Variants in SLC1A1 observed in about 807,000 individuals in gnomAD.
The protein encoded by SLC1A1 is excitatory amino acid transporter 3.
Under a neutral mutation model 53.3 loss-of-function variants are expected in SLC1A1, and 43 were observed. The ratio of observed to expected loss-of-function variants is 0.81; its 90% CI spans 0.63 to 1.04. The LOEUF (loss-of-function observed/expected upper bound fraction) is 1.04. Ranked by LOEUF, SLC1A1 falls within the 50% of genes least tolerant of loss-of-function variation. SLC1A1 has a pLI of 0.00. For missense variants in SLC1A1, 748 were observed against 664.9 expected (o/e 1.12, Z -1.37); for synonymous variants, 307 against 243.2 (o/e 1.26, Z -2.44).
intron 1 of SLC1A1, among the ~76,000 whole-genome samples, chr9:4,504,408 C>T (rs1820731784): frequency 6.6e-6 from 1 of 152,206 alleles, no homozygotes; most frequent in African/African-American, 2.4e-5. Context: ...ATTAGCCTGT[C>T]TGTACTACCT....
chr9:4,542,842 C>G (rs1458495112), intron 1 of SLC1A1, among the ~76,000 whole-genome samples: 2 of 152,124 alleles, frequency 1.3e-5, no homozygotes, highest in East Asian at 1.9e-4. Flanking sequence ...AAATAGAAAC[C>G]AAATAGCATT....
rs145279751 is a variant in SLC1A1, at chr9:4,549,064, C to A, written c.232+4357C>A. ...CCAGCCAGTGAGTTTAAATTCAGGT[C>A]ACATTTTCTTTACTACTTCCCAAAA... On this transcript the variant is annotated intron_variant, in intron 2 of 11. Coordinates refer to ENST00000262352, the MANE Select transcript of SLC1A1 (RefSeq NM_004170.6). The surrounding 1 kb of genome is among the most constrained non-coding windows in gnomAD (Gnocchi z 4.1). Among the ~76,000 whole-genome samples the A allele has an allele frequency of 5.5e-4, 84 of 152,186 alleles. No individual in the cohort carries two copies. The highest frequency in any genetic ancestry group is 9.7e-4 in the Non-Finnish European group (66 of 68,032).
At chr9:4,495,604 C>T (rs573585548) in intron 1 of SLC1A1, among the ~76,000 whole-genome samples, 1 of 151,820 alleles carries the variant, frequency 6.6e-6, no homozygotes, top group Non-Finnish European at 1.5e-5. Context: ...ACAAGTTGCA[C>T]AGGTATCTGG....
intron 1 of SLC1A1, among the ~76,000 whole-genome samples, chr9:4,507,459 TTG>T (rs1419398955): frequency 6.6e-6 from 1 of 152,346 alleles, no homozygotes; most frequent in South Asian, 2.1e-4. Context: ...ATGTTTGTTA[TTG>T]TGTCTTAAAT....
intron 11 of SLC1A1, 57 bp from the exon 12 acceptor site, chr9:4,585,255 G>T (rs1361834043): frequency 9.3e-6 from 15 of 1,607,464 alleles, no homozygotes; most frequent in Non-Finnish European, 1.3e-5. Context: ...CATCTCTCCA[G>T]TGATGAAGGA....
intron 1 of SLC1A1, among the ~76,000 whole-genome samples, chr9:4,491,441 A>T (rs1294244375): frequency 1.3e-5 from 2 of 152,226 alleles, no homozygotes; most frequent in Non-Finnish European, 2.9e-5. Context: ...AAGAGAACTC[A>T]GCCGTCTCTT....
intron 1 of SLC1A1, among the ~76,000 whole-genome samples, chr9:4,523,779 T>C (rs908314550): frequency 6.6e-6 from 1 of 152,224 alleles, no homozygotes; most frequent in South Asian, 2.1e-4. Context: ...ACATATAGTC[T>C]CATTTTAAAA....
chr9:4,538,503 C>G (rs989911190), intron 1 of SLC1A1, among the ~76,000 whole-genome samples: 1 of 152,026 alleles, frequency 6.6e-6, no homozygotes, highest in African/African-American at 2.4e-5. Context: ...TTTTGGGGCT[C>G]CAAGATTTAT....
At position 4,549,747 on chromosome 9, in the gene SLC1A1, G is replaced by A. The variant is rs551986871; in HGVS notation, c.232+5040G>A. Among the ~76,000 whole-genome samples, 20 of 152,252 alleles carry A rather than the reference G, an allele frequency of 1.3e-4. No individual in the cohort carries two copies. Among genetic ancestry groups the A allele is most frequent in the African/African-American group, 4.1e-4 (17 of 41,550 alleles). On this transcript the variant is annotated intron_variant, in intron 2 of 11. Transcript: ENST00000262352. The surrounding 1 kb of genome is among the most constrained non-coding windows in gnomAD (Gnocchi z 4.1). ...GGCCACAGGGGGATAGCCTTTCCTC[G>A]TGGACCCCATCAGGAGCCTTCCATA... is the stretch of plus-strand genomic sequence containing the variant.
intron 7 of SLC1A1, 94 bp from the exon 8 acceptor site, chr9:4,573,813 G>A (rs144095865): frequency 7.7e-5 from 65 of 843,992 alleles, no homozygotes; most frequent in African/African-American, 3.2e-4. Context: ...ATGCCAAGCT[G>A]AGGGTGCCCA....
At chr9:4,565,558 C>T (rs1819404709) in intron 4 of SLC1A1, among the ~76,000 whole-genome samples, 1 of 152,098 alleles carries the variant, frequency 6.6e-6, no homozygotes, top group Admixed American at 6.6e-5. Context: ...TTCTAACAAC[C>T]AGATCTTGTG....
At chr9:4,527,512 T>A (rs964924678) in intron 1 of SLC1A1, among the ~76,000 whole-genome samples, 1 of 152,138 alleles carries the variant, frequency 6.6e-6, no homozygotes, top group Admixed American at 6.5e-5. Flanking sequence ...TTTATCTGAG[T>A]ACTATGATCA....
rs767884340 is a variant in SLC1A1 at position 4,575,998 on chromosome 9, C to T, written c.876-3C>T. On this transcript the variant is annotated splice_polypyrimidine_tract_variant and splice_region_variant and intron_variant, in intron 8 of 11. Transcript: ENST00000262352. ...AACTTTAATTTCTCTTTCTTGTTTA[C>T]AGGCTTGCAATCCACTCCATTGTAA... 9 of 1,613,814 alleles carry T rather than the reference C, an allele frequency of 5.6e-6. No individual in the cohort carries two copies. The highest frequency in any genetic ancestry group is 6.8e-6 in the Non-Finnish European group (8 of 1,179,686).
At chr9:4,553,757 G>A (rs911633221) in intron 2 of SLC1A1, 2 of 152,188 alleles carry the variant, frequency 1.3e-5, no homozygotes, top group African/African-American at 4.8e-5. Flanking sequence ...TCTGCTCAAG[G>A]ACCAGTTTAT....
intron 1 of SLC1A1, among the ~76,000 whole-genome samples, chr9:4,522,060 T>C (rs1181146139): frequency 6.7e-6 from 1 of 148,360 alleles, no homozygotes; most frequent in African/African-American, 2.5e-5. Context: ...TTTTCTTTTT[T>C]TTTTTTTTTG....
intron 1 of SLC1A1, among the ~76,000 whole-genome samples, chr9:4,512,073 A>G (rs1358949777): frequency 6.6e-6 from 1 of 152,224 alleles, no homozygotes; most frequent in Non-Finnish European, 1.5e-5. Flanking sequence ...GCCAAAGTAA[A>G]TGGAGAGACA....
rs113770028 is a variant in SLC1A1, at chr9:4,585,913, A to T, written c.*355A>T. On this transcript the variant is annotated 3_prime_UTR_variant, in exon 12 of 12. Coordinates refer to ENST00000262352, the MANE Select transcript of SLC1A1 (RefSeq NM_004170.6). ...GCATAGACAAGTGTTTTGGGTTTTT[A>T]AAAAAAATATTCTGTCATTGGTTAC... 442 of 198,118 alleles carry T rather than the reference A, an allele frequency of 2.2e-3. 2 individuals carry two copies. The highest frequency in any genetic ancestry group is 2.5e-3 in the African/African-American group (108 of 42,492). 12.3% of individuals were successfully genotyped at this position (198,118 alleles called of 1,614,324 possible). A position where few individuals can be genotyped will look rare whatever the true frequency, so the allele number is the denominator to read the frequency against.
chr9:4,532,215 T>G (rs1372365668), intron 1 of SLC1A1, among the ~76,000 whole-genome samples: 1 of 152,126 alleles, frequency 6.6e-6, no homozygotes, highest in African/African-American at 2.4e-5. Flanking sequence ...AGAATGAGAA[T>G]GACGTTGACG....
At chr9:4,539,172 T>C (rs1399888555) in intron 1 of SLC1A1, among the ~76,000 whole-genome samples, 1 of 152,200 alleles carries the variant, frequency 6.6e-6, no homozygotes, top group Non-Finnish European at 1.5e-5. Context: ...GCTGTTTTCA[T>C]AAATCTTAGT....
Sources: gnomAD v4.1 joint callset for allele counts (sites outside exome capture counted in the v4.1 genomes callset) on GRCh38, gnomAD v4.1.1 for gene constraint, Gnocchi (gnomAD v3.1) non-coding constraint, MANE v1.5 for transcripts, NCBI Gene and HGNC (gene_info 2026-07-23, HGNC 2026-07-21) for gene names.